The following NRXN3 variants were observed in gnomAD, a reference collection of about 807,000 sequenced individuals.
The protein encoded by NRXN3 is neurexin 3.
A neutral mutation model predicts 137.6 loss-of-function variants in NRXN3; 32 were observed. That is an observed-to-expected ratio of 0.23 (90% CI 0.18 to 0.31). NRXN3 has a LOEUF of 0.31. Ranked by LOEUF, NRXN3 falls within the 10% of genes least tolerant of loss-of-function variation. The pLI, the probability that NRXN3 is intolerant of heterozygous loss-of-function variation, is 1.00. For missense variants in NRXN3, 1,574 were observed against 2,062.5 expected, an observed-to-expected ratio of 0.76 and a Z score of 4.59; for synonymous variants, 798 against 784.5, an observed-to-expected ratio of 1.02 and a Z score of -0.29.
intron 4 of NRXN3, among the ~76,000 whole-genome samples, chr14:78,438,194 G>A (rs17107587): frequency 0.048 from 7,345 of 152,244 alleles, 497 homozygotes; most frequent in African/African-American, 0.15. Context: ...ACACCTGAGT[G>A]GGTAATGATA....
chr14:78,773,991 G>A (rs1030378690), intron 8 of NRXN3, among the ~76,000 whole-genome samples: 5 of 152,084 alleles, frequency 3.3e-5, no homozygotes, highest in South Asian at 2.1e-4. Context: ...TAGTAGAGAC[G>A]GAGTTTCACC....
intron 4 of NRXN3, among the ~76,000 whole-genome samples, chr14:78,399,064 G>T (rs2091796933): frequency 1.3e-5 from 2 of 152,182 alleles, no homozygotes; most frequent in South Asian, 4.1e-4. Context: ...ACTAGAGATA[G>T]CAGGCCTTCT....
chr14:79,190,963 C>T (rs78979732), intron 15 of NRXN3, among the ~76,000 whole-genome samples: 5,416 of 152,214 alleles, frequency 0.036, 230 homozygotes, highest in East Asian at 0.21. Context: ...ATCAGACGTA[C>T]ACATACATAA....
At chr14:79,131,786 A>G (rs914974282) in intron 15 of NRXN3, among the ~76,000 whole-genome samples, 5 of 151,980 alleles carry the variant, frequency 3.3e-5, no homozygotes, top group African/African-American at 9.7e-5. Context: ...CCTTGCTGCC[A>G]CCTTGCAGTT....
chr14:79,601,850 T>C (rs2097925818), intron 16 of NRXN3, among the ~76,000 whole-genome samples: 1 of 152,124 alleles, frequency 6.6e-6, no homozygotes, highest in Non-Finnish European at 1.5e-5. Flanking sequence ...CCTCTCTGTC[T>C]AAGAGACAGA....
chr14:78,720,142 C>T (rs8013671), intron 8 of NRXN3, among the ~76,000 whole-genome samples: 49,630 of 151,686 alleles, frequency 0.33, 10,406 homozygotes, highest in African/African-American at 0.6. Flanking sequence ...TTGGCCTGCA[C>T]GGTTCCCTTG....
intron 19 of NRXN3, among the ~76,000 whole-genome samples, chr14:79,731,919 G>T (rs554940234): frequency 1.3e-5 from 2 of 151,238 alleles, no homozygotes; most frequent in South Asian, 4.2e-4. Context: ...TAAAGTATGT[G>T]TTTCTGTGGC....
chr14:78,655,618 T>C (rs925901751), intron 6 of NRXN3, among the ~76,000 whole-genome samples: 9 of 152,250 alleles, frequency 5.9e-5, no homozygotes, highest in South Asian at 2.1e-4. Flanking sequence ...TGCTTACAAA[T>C]ATTTCCCCAG....
At chr14:79,352,667 G>A (rs1235447198) in intron 15 of NRXN3, among the ~76,000 whole-genome samples, 1 of 152,098 alleles carries the variant, frequency 6.6e-6, no homozygotes, top group Admixed American at 6.6e-5. Context: ...AGATTTCAGA[G>A]CTAGACCAAT....
chr14:78,852,399 A>C (rs959265462), intron 10 of NRXN3, among the ~76,000 whole-genome samples: 7 of 152,220 alleles, frequency 4.6e-5, no homozygotes, highest in African/African-American at 1.7e-4. Flanking sequence ...CTATAATGAC[A>C]TGAGTCTAAG....
At chr14:79,508,139 T>C (rs891111464) in intron 16 of NRXN3, among the ~76,000 whole-genome samples, 5 of 152,076 alleles carry the variant, frequency 3.3e-5, no homozygotes, top group African/African-American at 1.2e-4. Flanking sequence ...ACAGTCCAGA[T>C]TCGTAATCTA....
chr14:79,152,406 T>TGTG (rs2153036294), intron 15 of NRXN3, among the ~76,000 whole-genome samples: 1 of 152,158 alleles, frequency 6.6e-6, no homozygotes, highest in South Asian at 2.1e-4. Context: ...ACTGGCAGTC[T>TGTG]ATGATGACAT....
chr14:78,557,859 C>G (rs1177955905), intron 4 of NRXN3, among the ~76,000 whole-genome samples: 1 of 152,214 alleles, frequency 6.6e-6, no homozygotes, highest in Non-Finnish European at 1.5e-5. Context: ...CTGAAGGCAT[C>G]TGTTACTTAT....
chr14:78,424,149 C>A (rs1201943728), intron 4 of NRXN3, among the ~76,000 whole-genome samples: 1 of 152,152 alleles, frequency 6.6e-6, no homozygotes, highest in East Asian at 1.9e-4. Context: ...TTGCAGCTCT[C>A]TTCTCCTTCT....
intron 14 of NRXN3, among the ~76,000 whole-genome samples, chr14:78,968,649 G>T (rs2099428572): frequency 6.6e-6 from 1 of 152,188 alleles, no homozygotes; most frequent in Non-Finnish European, 1.5e-5. Context: ...GTGTACCTTG[G>T]CTTCCAGAAT....
rs184281505 is a variant in NRXN3 at position 78,395,575 on chromosome 14, T to C, written c.757+97715T>C. On this transcript the variant is annotated intron_variant, in intron 4 of 20. Coordinates refer to ENST00000335750, the MANE Select transcript of NRXN3 (RefSeq NM_001330195.2). ...TGGGTTCTATCTCTTTGTGATTTTCTATCTAGTTGTCCTATCGATTATTGA... is the reference window on the plus strand; with the variant it reads ...TGGGTTCTATCTCTTTGTGATTTTCCATCTAGTTGTCCTATCGATTATTGA... 4.7e-3 allele frequency among the ~76,000 whole-genome samples: 717 copies of C among 152,140 alleles called. 2 individuals are homozygous for C. The highest frequency in any genetic ancestry group is 7.4e-3 in the Non-Finnish European group (505 of 67,880).
intron 4 of NRXN3, among the ~76,000 whole-genome samples, chr14:78,333,169 A>G (rs1329119265): frequency 6.6e-6 from 1 of 152,198 alleles, no homozygotes; most frequent in Non-Finnish European, 1.5e-5. Context: ...ATTGTTAGGC[A>G]TTAGATTGGC....
At chr14:78,851,604 G>A (rs2099042833) in intron 10 of NRXN3, among the ~76,000 whole-genome samples, 2 of 152,174 alleles carry the variant, frequency 1.3e-5, no homozygotes, top group Admixed American at 1.3e-4. Flanking sequence ...CAGGCAGGCT[G>A]GCAGCCAGGA....
At chr14:78,520,369 G>A (rs976436368) in intron 4 of NRXN3, among the ~76,000 whole-genome samples, 1 of 152,148 alleles carries the variant, frequency 6.6e-6, no homozygotes, top group Admixed American at 6.5e-5. Context: ...TAATCTGGAT[G>A]CAATTTATTA....
Sources: gnomAD v4.1 joint callset for allele counts (sites outside exome capture counted in the v4.1 genomes callset) on GRCh38, gnomAD v4.1.1 for gene constraint, MANE v1.5 for transcripts, NCBI Gene and HGNC (gene_info 2026-07-23, HGNC 2026-07-21) for gene names.